KCNMB2: variants seen among roughly 807,000 people sequenced by gnomAD.
KCNMB2 encodes the protein calcium-activated potassium channel subunit beta-2.
A neutral mutation model predicts 24.5 loss-of-function variants in KCNMB2; 9 were observed. That is an observed-to-expected ratio of 0.37 (90% CI 0.22 to 0.64). The LOEUF (loss-of-function observed/expected upper bound fraction) is 0.64, where lower values mean the gene tolerates loss of function less well. Among genes scored for constraint, KCNMB2 ranks in the 30% least tolerant of loss-of-function variants. The probability of loss-of-function intolerance (pLI) is 0.63; values close to 1 mark genes in which losing one functional copy is unlikely to be tolerated. For synonymous variants in KCNMB2, 109 were observed against 104.4 expected, an observed-to-expected ratio of 1.04 and a Z score of -0.27; for missense variants, 226 against 284.3, an observed-to-expected ratio of 0.79 and a Z score of 1.47.
chr3:178,828,157 C>T (rs2108469758), intron 3 of KCNMB2, 21 bp from the exon 4 acceptor site: 3 of 1,595,278 alleles, frequency 1.9e-6, no homozygotes, highest in East Asian at 4.5e-5. Context: ...CCTGTGTTTA[C>T]TCTCACCCCT....
chr3:178,550,294 C>CA (rs773624199), intron 1 of KCNMB2, among the ~76,000 whole-genome samples: 1,442 of 137,726 alleles, frequency 0.01, 26 homozygotes, highest in African/African-American at 0.033. Context: ...ACTAAAAATA[C>CA]AAAAAAAAAA....
intron 1 of KCNMB2, among the ~76,000 whole-genome samples, chr3:178,801,261 C>T (rs768705625): frequency 6.6e-6 from 1 of 151,646 alleles, no homozygotes; most frequent in African/African-American, 2.4e-5. Flanking sequence ...TGATTGTTAC[C>T]CATTGTATGC....
intron 1 of KCNMB2, among the ~76,000 whole-genome samples, chr3:178,777,419 G>C (rs2108427497): frequency 6.6e-6 from 1 of 152,224 alleles, no homozygotes; most frequent in Non-Finnish European, 1.5e-5. Context: ...GGGTGACAGT[G>C]CAAGACTCCG....
chr3:178,819,691 A>G (rs540756561), intron 2 of KCNMB2, among the ~76,000 whole-genome samples: 1 of 152,322 alleles, frequency 6.6e-6, no homozygotes, highest in South Asian at 2.1e-4. Context: ...GAGTCAAGAA[A>G]CAAATTTTGG....
chr3:178,616,151 C>A (rs1336722687), intron 1 of KCNMB2, among the ~76,000 whole-genome samples: 2 of 152,074 alleles, frequency 1.3e-5, no homozygotes, highest in Non-Finnish European at 2.9e-5. Context: ...GGGATGATGC[C>A]AGCAATCCCT....
At chr3:178,546,027 A>G (rs1055427206) in intron 1 of KCNMB2, among the ~76,000 whole-genome samples, 2 of 152,150 alleles carry the variant, frequency 1.3e-5, no homozygotes, top group Non-Finnish European at 2.9e-5. Flanking sequence ...GTTTGCTTTG[A>G]AAACATAAAA....
At chr3:178,629,729 A>T (rs1719247617) in intron 1 of KCNMB2, among the ~76,000 whole-genome samples, 1 of 152,192 alleles carries the variant, frequency 6.6e-6, no homozygotes, top group African/African-American at 2.4e-5. Flanking sequence ...AACACAAATA[A>T]TTCAATAAAT....
At chr3:178,613,990 CTA>C (rs571043419) in intron 1 of KCNMB2, among the ~76,000 whole-genome samples, 116 of 151,336 alleles carry the variant, frequency 7.7e-4, no homozygotes, top group African/African-American at 2.7e-3. Flanking sequence ...TGCTTCATTT[CTA>C]TGTTTTTCTT....
At chr3:178,714,187 A>G (rs1577119006) in intron 1 of KCNMB2, among the ~76,000 whole-genome samples, 1 of 152,244 alleles carries the variant, frequency 6.6e-6, no homozygotes, top group Admixed American at 6.5e-5. Context: ...TTTCTTCTTC[A>G]GTGCTTCTGG....
At chr3:178,799,025 T>C (rs1288968037) in intron 1 of KCNMB2, among the ~76,000 whole-genome samples, 1 of 151,126 alleles carries the variant, frequency 6.6e-6, no homozygotes, top group African/African-American at 2.4e-5. Flanking sequence ...AGAAGGAACA[T>C]ATCTCAACAT....
rs1453447827 is a variant in KCNMB2 at position 178,836,526 on chromosome 3, T to C, written c.424-6127T>C. Among the ~76,000 whole-genome samples, 11 of 152,102 alleles carry C rather than the reference T, an allele frequency of 7.2e-5. No individual in the cohort carries two copies. The South Asian group carries it at 1.2e-3, about 17-fold the overall frequency. The stretch of plus-strand genomic sequence containing the variant: ...TTTCTGTCTGTCAAGAATCTAAGGA[T>C]TGGGAAAAGCAGTAAGATTTTATTA... On this transcript the variant is annotated intron_variant, in intron 4 of 4. Transcript: ENST00000452583.
intron 1 of KCNMB2, among the ~76,000 whole-genome samples, chr3:178,700,212 A>G (rs1031736414): frequency 1.3e-5 from 2 of 152,204 alleles, no homozygotes; most frequent in Non-Finnish European, 2.9e-5. Context: ...ATTAATGCCC[A>G]TGTTAGTTGC....
intron 1 of KCNMB2, among the ~76,000 whole-genome samples, chr3:178,583,687 C>T (rs745894481): frequency 6.6e-6 from 1 of 152,024 alleles, no homozygotes; most frequent in African/African-American, 2.4e-5. Flanking sequence ...TCTGAGGCTC[C>T]GAAATTTTTA....
At position 178,565,320 on chromosome 3, in the gene KCNMB2, G is replaced by C. The variant is rs148885973; in HGVS notation, c.-68+28609G>C. 6.6e-5 allele frequency among the ~76,000 whole-genome samples: 10 copies of C among 152,274 alleles called. No individual in the cohort carries two copies. In the East Asian group the frequency reaches 1.7e-3, roughly 26 times the overall value. ...CCCAAAGTCATACAAGCAGCCACCA[G>C]CAGTCGAGACTCATCATAGTTCCTG... is the stretch of plus-strand genomic sequence containing the variant. On this transcript the variant is annotated intron_variant, in intron 1 of 4. Coordinates refer to ENST00000452583, the MANE Select transcript of KCNMB2 (RefSeq NM_181361.3).
At chr3:178,787,348 T>C (rs1215688020) in intron 1 of KCNMB2, among the ~76,000 whole-genome samples, 2 of 151,814 alleles carry the variant, frequency 1.3e-5, no homozygotes, top group Non-Finnish European at 3.0e-5. Context: ...TTAACTCACA[T>C]ATATTCACGT....
chr3:178,746,642 ACT>A, intron 1 of KCNMB2, among the ~76,000 whole-genome samples: 1 of 152,162 alleles, frequency 6.6e-6, no homozygotes, highest in African/African-American at 2.4e-5. Context: ...CCTTTAAAAA[ACT>A]GAATGCCTTT....
intron 1 of KCNMB2, among the ~76,000 whole-genome samples, chr3:178,738,836 T>C (rs2108374813): frequency 6.6e-6 from 1 of 152,324 alleles, no homozygotes; most frequent in East Asian, 1.9e-4. Context: ...TAGTTTGTAA[T>C]AACATACCGA....
chr3:178,776,311 G>C (rs1353701245), intron 1 of KCNMB2, among the ~76,000 whole-genome samples: 1 of 152,038 alleles, frequency 6.6e-6, no homozygotes, highest in African/African-American at 2.4e-5. Flanking sequence ...ACTCTCTTTA[G>C]TCTAATCAGT....
At chr3:178,601,384 A>G (rs1007255935) in intron 1 of KCNMB2, among the ~76,000 whole-genome samples, 1 of 152,084 alleles carries the variant, frequency 6.6e-6, no homozygotes, top group Non-Finnish European at 1.5e-5. Flanking sequence ...AATGAAGGTG[A>G]TTTTGTTAAG....
Sources: gnomAD v4.1 joint callset for allele counts (sites outside exome capture counted in the v4.1 genomes callset) on GRCh38, gnomAD v4.1.1 for gene constraint, MANE v1.5 for transcripts, NCBI Gene and HGNC (gene_info 2026-07-23, HGNC 2026-07-21) for gene names.